Variants in BNC2 observed in about 807,000 individuals in gnomAD.
The protein encoded by BNC2 is zinc finger protein basonuclin-2.
A neutral mutation model predicts 76.3 loss-of-function variants in BNC2; 20 were observed. That is an observed-to-expected ratio of 0.26 (90% CI 0.18 to 0.38). BNC2 has a LOEUF of 0.38. Ranked by LOEUF, BNC2 falls within the 10% of genes least tolerant of loss-of-function variation. The pLI is 1.00. For synonymous variants in BNC2, 582 were observed against 514.8 expected (o/e 1.13, Z -1.77); for missense variants, 1,382 against 1,399.8 (o/e 0.99, Z 0.20).
intron 5 of BNC2, among the ~76,000 whole-genome samples, chr9:16,478,424 G>C (rs777071785): frequency 6.6e-6 from 1 of 152,142 alleles, no homozygotes; most frequent in Non-Finnish European, 1.5e-5. Context: ...TAATACCACC[G>C]TAATTCTGTT....
chr9:16,732,006 AG>A (rs1205736933), intron 2 of BNC2, among the ~76,000 whole-genome samples: 4 of 152,090 alleles, frequency 2.6e-5, no homozygotes, highest in Non-Finnish European at 5.9e-5. Flanking sequence ...GACTATAGGG[AG>A]GCACAATGCA....
At chr9:16,541,792 C>T (rs1022640191) in intron 5 of BNC2, among the ~76,000 whole-genome samples, 6 of 152,102 alleles carry the variant, frequency 3.9e-5, no homozygotes, top group African/African-American at 1.4e-4. Flanking sequence ...GTCAGTTTCT[C>T]TGAGGAAGCC....
chr9:16,523,502 A>C (rs76894374), intron 5 of BNC2, among the ~76,000 whole-genome samples: 12,075 of 151,610 alleles, frequency 0.08, 1,620 homozygotes, highest in African/African-American at 0.27. Context: ...ACAAAAAAAA[A>C]CAATTAATGT....
chr9:16,616,541 A>AT (rs1444170880), intron 3 of BNC2, among the ~76,000 whole-genome samples: 1 of 151,200 alleles, frequency 6.6e-6, no homozygotes, highest in Admixed American at 6.6e-5. Flanking sequence ...TACAAAAAAA[A>AT]TTTTTTAAAT....
chr9:16,565,247 C>G (rs1399543507), intron 4 of BNC2, among the ~76,000 whole-genome samples: 1 of 152,166 alleles, frequency 6.6e-6, no homozygotes, highest in African/African-American at 2.4e-5. Flanking sequence ...TGCCCCACTT[C>G]TCTCTCACCC....
intron 1 of BNC2, among the ~76,000 whole-genome samples, chr9:16,763,116 T>A (rs1261828965): frequency 6.6e-6 from 1 of 152,200 alleles, no homozygotes; most frequent in African/African-American, 2.4e-5. Flanking sequence ...GCTCTCTAGC[T>A]GAGAGGTTAT....
intron 4 of BNC2, among the ~76,000 whole-genome samples, chr9:16,562,818 A>G (rs1390640677): frequency 1.3e-5 from 2 of 152,208 alleles, no homozygotes; most frequent in Non-Finnish European, 2.9e-5. Context: ...AAGTGATATC[A>G]TGACTTCTAA....
intron 3 of BNC2, among the ~76,000 whole-genome samples, chr9:16,715,001 A>G (rs1262747295): frequency 6.6e-6 from 1 of 152,168 alleles, no homozygotes; most frequent in Non-Finnish European, 1.5e-5. Flanking sequence ...AGTAGGGGGA[A>G]GTTTTCCCCC....
chr9:16,724,246 C>T (rs1248635230), intron 3 of BNC2, among the ~76,000 whole-genome samples: 3 of 151,866 alleles, frequency 2.0e-5, no homozygotes, highest in African/African-American at 7.2e-5. Context: ...TATTACATCC[C>T]TTGAGATAGC....
At chr9:16,563,504 T>C (rs1433992574) in intron 4 of BNC2, among the ~76,000 whole-genome samples, 1 of 152,142 alleles carries the variant, frequency 6.6e-6, no homozygotes, top group Non-Finnish European at 1.5e-5. Context: ...CTTAAAGCCC[T>C]TTTCCATAAA....
chr9:16,484,553 C>T (rs976363785), intron 5 of BNC2, among the ~76,000 whole-genome samples: 7 of 152,206 alleles, frequency 4.6e-5, no homozygotes, highest in South Asian at 4.2e-4. Flanking sequence ...GATCTTATTT[C>T]GGGATTAATT....
chr9:16,614,787 A>C (rs1486099321), intron 3 of BNC2, among the ~76,000 whole-genome samples: 1 of 151,804 alleles, frequency 6.6e-6, no homozygotes, highest in Non-Finnish European at 1.5e-5. Flanking sequence ...TCTCTACAAA[A>C]AAATAAAAAT....
At chr9:16,541,166 T>G (rs1818309301) in intron 5 of BNC2, among the ~76,000 whole-genome samples, 1 of 152,218 alleles carries the variant, frequency 6.6e-6, no homozygotes, top group Non-Finnish European at 1.5e-5. Flanking sequence ...AATAACACAC[T>G]GACCTTTTCA....
chr9:16,447,094 C>T (rs1587037344), intron 5 of BNC2, among the ~76,000 whole-genome samples: 1 of 152,208 alleles, frequency 6.6e-6, no homozygotes, highest in Non-Finnish European at 1.5e-5. Context: ...CTTTTAAAGA[C>T]ACATTTTAAT....
chr9:16,599,347 T>G (rs1195580675), intron 3 of BNC2, among the ~76,000 whole-genome samples: 1 of 152,174 alleles, frequency 6.6e-6, no homozygotes, highest in Non-Finnish European at 1.5e-5. Flanking sequence ...GAAGTAGAAA[T>G]TCAATACTCT....
intron 1 of BNC2, among the ~76,000 whole-genome samples, chr9:16,856,874 T>C (rs1469283271): frequency 6.6e-6 from 1 of 152,184 alleles, no homozygotes; most frequent in African/African-American, 2.4e-5. Flanking sequence ...GTGAAATGTG[T>C]ATTACAGGGA....
chr9:16,649,277 C>G (rs949986186), intron 3 of BNC2, among the ~76,000 whole-genome samples: 3 of 152,108 alleles, frequency 2.0e-5, no homozygotes, highest in African/African-American at 7.2e-5. Context: ...TTTGAGAGGC[C>G]AGTGGTCTGC....
chr9:16,748,922 CTATA>C (rs34314862), intron 1 of BNC2, among the ~76,000 whole-genome samples: 63,655 of 130,212 alleles, frequency 0.49, 17,769 homozygotes, highest in Non-Finnish European at 0.64. Context: ...ACTTTTTATA[CTATA>C]TATATATATA....
chr9:16,650,822 G>A lies in BNC2; in HGVS notation c.331-67737C>T, dbSNP rs570481262. Among the ~76,000 whole-genome samples, 9 of 152,098 alleles carry A rather than the reference G, an allele frequency of 5.9e-5. No individual in the cohort carries two copies. The East Asian group carries it at 1.5e-3, about 26-fold the overall frequency. ...TATGCCTTTTCCAATCCTAAGTGTC[G>A]CCTACTTTCCAAACTTTTAGAAAAT... On this transcript the variant is annotated intron_variant, in intron 3 of 6. Transcript: ENST00000380672.
Sources: allele counts gnomAD v4.1 joint callset (sites outside exome capture counted in the v4.1 genomes callset), GRCh38; gene constraint gnomAD v4.1.1; transcripts MANE v1.5; gene names NCBI Gene and HGNC (gene_info 2026-07-23, HGNC 2026-07-21).